The following HMGCS1 variants were observed in gnomAD, a reference collection of about 807,000 sequenced individuals.
The protein encoded by HMGCS1 is 3-hydroxy-3-methylglutaryl-CoA synthase 1, also known as hydroxymethylglutaryl-CoA synthase, cytoplasmic.
Under a neutral mutation model 52.3 loss-of-function variants are expected in HMGCS1, and 9 were observed. That is an observed-to-expected ratio of 0.17 (90% CI 0.10 to 0.30). The LOEUF is 0.30. Ranked by LOEUF, HMGCS1 falls within the 10% of genes least tolerant of loss-of-function variation. The pLI, the probability that HMGCS1 is intolerant of heterozygous loss-of-function variation, is 1.00. For missense variants in HMGCS1, 320 were observed against 620.9 expected (o/e 0.52, Z 5.15); for synonymous variants, 176 against 214.4 (o/e 0.82, Z 1.57).
chr5:43,304,341 T>C (rs2111713110), intron 2 of HMGCS1, among the ~76,000 whole-genome samples: 1 of 152,338 alleles, frequency 6.6e-6, no homozygotes, highest in African/African-American at 2.4e-5. Flanking sequence ...GGCTCAGTGG[T>C]TTTTAACACT....
chr5:43,293,810 T>G (rs1421195703), intron 8 of HMGCS1: 1 of 311,408 alleles, frequency 3.2e-6, no homozygotes, highest in East Asian at 6.7e-5. Context: ...CTCTCCTGGA[T>G]TCAAGTGATT....
chr5:43,294,623 A>C, intron 7 of HMGCS1, 68 bp downstream of exon 7: 1 of 1,206,086 alleles, frequency 8.3e-7, no homozygotes, highest in Non-Finnish European at 1.2e-6. Flanking sequence ...TTGACACTAG[A>C]TTTGGTCTTA....
At position 43,294,666 on chromosome 5, in the gene HMGCS1, A is replaced by G. The variant is rs760354541; in HGVS notation, c.1076+25T>C. 3 of 1,526,934 alleles carry G rather than the reference A, an allele frequency of 2.0e-6. No individual in the cohort carries two copies. In the South Asian group the frequency reaches 3.7e-5, roughly 19 times the overall value. The allele number at this position is 1,526,934 out of a possible 1,614,324, so 94.6% of individuals were successfully genotyped here. ...AACATCTCCCAAATAAGGGGAGTTA[A>G]GTAGTAGGTGAAATTTATACTTACT... On this transcript the variant is annotated intron_variant, in intron 7 of 10. Transcript: ENST00000325110.
chr5:43,292,990 T>C lies in HMGCS1; in HGVS notation c.1184-17A>G. On this transcript the variant is annotated splice_polypyrimidine_tract_variant and intron_variant, in intron 8 of 10. Coordinates refer to ENST00000325110, the MANE Select transcript of HMGCS1 (RefSeq NM_001098272.3). ...GAGCAGACCCTAAAATAGTGAATAA[T>C]TCAACATTAAAAGATTTTTTTGAAA... The C allele has an allele frequency of 3.2e-6, 5 of 1,564,240 alleles. No homozygotes were observed. Among genetic ancestry groups the C allele is most frequent in the Non-Finnish European group, 4.3e-6 (5 of 1,161,618 alleles).
chr5:43,292,017 GGA>G (rs1753796690), intron 10 of HMGCS1, among the ~76,000 whole-genome samples: 1 of 104,778 alleles, frequency 9.5e-6, no homozygotes, highest in Non-Finnish European at 1.8e-5. Flanking sequence ...TTTTTGAGAT[GGA>G]ATCTTGCTCT....
chr5:43,292,399 CATTT>C, intron 10 of HMGCS1, 71 bp downstream of exon 10: 5 of 1,023,398 alleles, frequency 4.9e-6, no homozygotes, highest in Non-Finnish European at 7.2e-6. Context: ...TCTTTACTGA[CATTT>C]ATTTATGTTG....
chr5:43,301,494 CAAGATAT>C (rs1233998726), intron 2 of HMGCS1, among the ~76,000 whole-genome samples: 1 of 152,132 alleles, frequency 6.6e-6, no homozygotes, highest in Non-Finnish European at 1.5e-5. Flanking sequence ...GAAAAGAATA[CAAGATAT>C]AAGATTGCAT....
At chr5:43,294,265 T>C (rs1753925531) in intron 7 of HMGCS1, 103 bp from the exon 8 acceptor site, 1 of 583,524 alleles carries the variant, frequency 1.7e-6, no homozygotes, top group Admixed American at 2.9e-5. Flanking sequence ...TAAGTAAAAG[T>C]AGAATCTAAC....
At chr5:43,299,034 C>A in intron 2 of HMGCS1, 59 bp from the exon 3 acceptor site, 2 of 1,267,892 alleles carry the variant, frequency 1.6e-6, no homozygotes, top group Non-Finnish European at 2.2e-6. Flanking sequence ...TGGTTTTCAA[C>A]TTTGAAATTG....
rs1753849449 is a variant in HMGCS1 at position 43,292,895 on chromosome 5, T to G, written c.1262A>C (p.Asp421Ala). ...GAGCTTCATGTTTTCAGCGAAGACA[T>G]CTGGTGCCACACCAGTTCTTGAATC... ...RLDSRTGVAP[D>A]VFAENMKLRE... The change falls in exon 9 of 11, where the codon GAT (aspartate) becomes GCT (alanine). Residue 421 changes from aspartate (D) to alanine (A), a missense_variant. Around this residue, in one of 3 missense-constraint regions of HMGCS1, gnomAD observed 213 missense variants for 337.4 expected, o/e 0.63. Transcript: ENST00000325110. The G allele has an allele frequency of 6.2e-7, 1 of 1,610,504 alleles. No homozygotes were observed.
In HMGCS1 at chr5:43,290,957, C is replaced by CA; in HGVS notation, c.*173dup. 1 of 563,120 alleles carries CA rather than the reference C, an allele frequency of 1.8e-6. No individual in the cohort carries two copies. Among genetic ancestry groups the CA allele is most frequent in the Non-Finnish European group, 3.2e-6 (1 of 313,284 alleles). The allele number at this position is 563,120 out of a possible 1,614,324, so 34.9% of individuals were successfully genotyped here. A position where few individuals can be genotyped will look rare whatever the true frequency, so the allele number is the denominator to read the frequency against. On this transcript the variant is annotated 3_prime_UTR_variant, in exon 11 of 11. Transcript: ENST00000325110. ...ACAGGAAGCATGTCAGCAAATAGAG[C>CA]AAAGAGACTTTCCCAAGTACACGAT...
At chr5:43,311,386 T>A (rs925477558) in intron 1 of HMGCS1, among the ~76,000 whole-genome samples, 15 of 152,040 alleles carry the variant, frequency 9.9e-5, no homozygotes, top group Non-Finnish European at 2.2e-4. Context: ...TCCCACCTTT[T>A]AAATCTATAC....
chr5:43,312,221 GTTGT>G (rs1387931288), intron 1 of HMGCS1, among the ~76,000 whole-genome samples: 1 of 152,176 alleles, frequency 6.6e-6, no homozygotes, highest in South Asian at 2.1e-4. Context: ...TCTTAATTTT[GTTGT>G]TTATCTTGTC....
At chr5:43,299,545 G>A (rs1410214103) in intron 2 of HMGCS1, among the ~76,000 whole-genome samples, 1 of 152,060 alleles carries the variant, frequency 6.6e-6, no homozygotes. Flanking sequence ...AGCTACTCAG[G>A]AGGCTGAGGC....
intron 2 of HMGCS1, among the ~76,000 whole-genome samples, chr5:43,301,300 T>C (rs1469749616): frequency 6.6e-6 from 1 of 152,138 alleles, no homozygotes; most frequent in African/African-American, 2.4e-5. Flanking sequence ...AATAACTAGG[T>C]AAGGGTTAGG....
chr5:43,305,965 TGAG>T (rs564103094), intron 2 of HMGCS1, among the ~76,000 whole-genome samples: 8 of 152,124 alleles, frequency 5.3e-5, no homozygotes, highest in South Asian at 2.1e-4. Flanking sequence ...AAGAGAATAA[TGAG>T]GACTCTGTAT....
In HMGCS1 at chr5:43,287,739, T is replaced by C. The variant is rs1753560783; in HGVS notation, c.*3392A>G. 6.6e-6 allele frequency: 1 copy of C among 152,196 alleles called. No individual in the cohort carries two copies. Among genetic ancestry groups the C allele is most frequent in the African/African-American group, 2.4e-5 (1 of 41,434 alleles). The allele number at this position is 152,196 out of a possible 1,614,324, so 9.4% of individuals were successfully genotyped here. On this transcript the variant is annotated 3_prime_UTR_variant, in exon 11 of 11. Coordinates refer to ENST00000325110, the MANE Select transcript of HMGCS1 (RefSeq NM_001098272.3). ...TCCCCTGCACCTTTGGGCTGTGCAATTGGGAGTACCAAACAAGTTCTGCAG... is the reference window on the plus strand; with the variant it reads ...TCCCCTGCACCTTTGGGCTGTGCAACTGGGAGTACCAAACAAGTTCTGCAG...
chr5:43,293,005 T>C, intron 8 of HMGCS1, 32 bp from the exon 9 acceptor site: 2 of 1,547,560 alleles, frequency 1.3e-6, no homozygotes, highest in African/African-American at 1.4e-5. Flanking sequence ...CATTAAAAGA[T>C]TTTTTTGAAA....
In HMGCS1 at chr5:43,289,806, T is replaced by A. The variant is rs1177512985; in HGVS notation, c.*1325A>T. On this transcript the variant is annotated 3_prime_UTR_variant, in exon 11 of 11. Transcript: ENST00000325110. Reference sequence around the variant, plus strand: ...CATATTTGTGTATATTTATTTTAGATAACTGAAACTTCACAGAATTTAACA... The same window carrying A: ...CATATTTGTGTATATTTATTTTAGAAAACTGAAACTTCACAGAATTTAACA... The A allele has an allele frequency of 6.6e-6, 1 of 152,616 alleles. No individual in the cohort carries two copies. Among genetic ancestry groups the A allele is most frequent in the East Asian group, 1.9e-4 (1 of 5,200 alleles). 9.5% of individuals were successfully genotyped at this position (152,616 alleles called of 1,614,324 possible). A position where few individuals can be genotyped will look rare whatever the true frequency, so the allele number is the denominator to read the frequency against.
Sources: allele counts gnomAD v4.1 joint callset (sites outside exome capture counted in the v4.1 genomes callset), GRCh38; gene constraint gnomAD v4.1.1; regional missense constraint gnomAD v4.1.1; transcripts MANE v1.5; gene names NCBI Gene and HGNC (gene_info 2026-07-23, HGNC 2026-07-21).